Variants in ROCK1 observed in about 807,000 individuals in gnomAD.
ROCK1 encodes Rho associated coiled-coil containing protein kinase 1, also known as rho-associated protein kinase 1.
Under a neutral mutation model 196.8 loss-of-function variants are expected in ROCK1, and 36 were observed. The ratio of observed to expected loss-of-function variants is 0.18; its 90% CI spans 0.14 to 0.24. The LOEUF (loss-of-function observed/expected upper bound fraction) is 0.24, where lower values mean the gene tolerates loss of function less well. Ranked by LOEUF, ROCK1 falls within the 10% of genes least tolerant of loss-of-function variation. ROCK1 has a pLI of 1.00. For missense variants in ROCK1, 920 were observed against 1,562.0 expected (o/e 0.59, Z 6.93); for synonymous variants, 443 against 515.9 (o/e 0.86, Z 1.91).
rs2035772216 is a variant in ROCK1, at chr18:21,006,696, T to C, written c.1638+3A>G. 6 of 1,596,790 alleles carry C rather than the reference T, an allele frequency of 3.8e-6. No individual in the cohort carries two copies. The African/African-American group carries it at 5.4e-5, about 14-fold the overall frequency. Reference sequence around the variant, plus strand: ...AAAAAGGAACCTCATTTGAAACACTTACCTGCTTTTGTAACTGGGACAGCT... The same window carrying C: ...AAAAAGGAACCTCATTTGAAACACTCACCTGCTTTTGTAACTGGGACAGCT... On this transcript the variant is annotated splice_donor_region_variant and intron_variant, in intron 15 of 32. Transcript: ENST00000399799.
At chr18:21,083,595 A>G (rs2036500205) in intron 1 of ROCK1, among the ~76,000 whole-genome samples, 1 of 152,118 alleles carries the variant, frequency 6.6e-6, no homozygotes, top group Admixed American at 6.6e-5. Context: ...TACTCAGCCT[A>G]CTCAATGTGA....
intron 16 of ROCK1, among the ~76,000 whole-genome samples, chr18:21,004,813 T>C (rs1047179424): frequency 6.6e-6 from 1 of 152,262 alleles, no homozygotes; most frequent in Non-Finnish European, 1.5e-5. Flanking sequence ...GTGACTTTCC[T>C]ATTACATATA....
intron 28 of ROCK1, 33 bp from the exon 29 acceptor site, chr18:20,959,961 G>A (rs1367552243): frequency 1.5e-6 from 2 of 1,352,900 alleles, no homozygotes; most frequent in Non-Finnish European, 2.1e-6. Flanking sequence ...AGAGTTACAA[G>A]AGCAACATTA....
At chr18:21,078,804 T>C (rs1454598400) in intron 1 of ROCK1, among the ~76,000 whole-genome samples, 1 of 152,198 alleles carries the variant, frequency 6.6e-6, no homozygotes, top group Non-Finnish European at 1.5e-5. Flanking sequence ...GTTTTTCTCT[T>C]GTACTTCCTC....
At chr18:20,962,405 C>CA (rs1358059580) in intron 27 of ROCK1, among the ~76,000 whole-genome samples, 1 of 152,004 alleles carries the variant, frequency 6.6e-6, no homozygotes, top group Non-Finnish European at 1.5e-5. Flanking sequence ...AATTCCTCAC[C>CA]AAAAACAAAG....
intron 2 of ROCK1, among the ~76,000 whole-genome samples, chr18:21,065,477 T>C (rs940143194): frequency 2.6e-5 from 4 of 152,196 alleles, no homozygotes; most frequent in African/African-American, 9.6e-5. Context: ...TAAGATTTGT[T>C]TGATAAACAT....
chr18:20,973,575 C>A (rs1279968294), intron 22 of ROCK1, among the ~76,000 whole-genome samples: 1 of 152,118 alleles, frequency 6.6e-6, no homozygotes, highest in Non-Finnish European at 1.5e-5. Flanking sequence ...CCACACCCGA[C>A]CAAGTCATAT....
At chr18:21,095,592 A>G (rs2036606569) in intron 1 of ROCK1, among the ~76,000 whole-genome samples, 1 of 152,228 alleles carries the variant, frequency 6.6e-6, no homozygotes, top group South Asian at 2.1e-4. Context: ...AAGTGAAATA[A>G]GCCAGACACA....
intron 9 of ROCK1, among the ~76,000 whole-genome samples, chr18:21,031,133 C>T (rs1280583748): frequency 6.6e-6 from 1 of 151,890 alleles, no homozygotes; most frequent in African/African-American, 2.4e-5. Context: ...CAAGCAACAA[C>T]CGCAAGCCCT....
At chr18:21,093,101 G>A (rs990576294) in intron 1 of ROCK1, among the ~76,000 whole-genome samples, 4 of 152,156 alleles carry the variant, frequency 2.6e-5, no homozygotes, top group African/African-American at 7.2e-5. Flanking sequence ...GACTGAGATT[G>A]ATTCAGATAT....
Position 21,045,456 on chromosome 18 carries a change from T to C in ROCK1, c.426A>G (p.Ala142=). The C allele has an allele frequency of 3.1e-6, 5 of 1,597,092 alleles. No individual in the cohort carries two copies. Among genetic ancestry groups the C allele is most frequent in the Non-Finnish European group, 2.6e-6 (3 of 1,174,250 alleles). The change falls in exon 5 of 33, where the codon GCA becomes GCG. Residue 142 remains alanine (A), a synonymous_variant. Transcript: ENST00000399799. ...NSPWVVQLFY[A]FQDDRYLYMV... is the part of the protein sequence containing the mutation. ...TGTAGAGATAACGATCATCTTGGAA[T>C]GCATAAAAAAGCTATACAAATAGAA...
At chr18:21,006,845 T>A in intron 14 of ROCK1, 55 bp from the exon 15 acceptor site, 1 of 1,211,740 alleles carries the variant, frequency 8.3e-7, no homozygotes, top group Non-Finnish European at 1.2e-6. Context: ...AGGGGAAACA[T>A]ATAAATCCTT....
chr18:21,036,354 A>G (rs2036056905), intron 9 of ROCK1, among the ~76,000 whole-genome samples: 1 of 152,218 alleles, frequency 6.6e-6, no homozygotes, highest in South Asian at 2.1e-4. Flanking sequence ...CCCACAAACT[A>G]TAGGTTGATT....
Position 21,014,065 on chromosome 18 carries a change from CAAAAAAA to C in ROCK1, c.1410+1359_1410+1365del, listed in dbSNP as rs56355855. ...TGGGAAAAAGAGCAAGACTCTGTCT[CAAAAAAA>C]AAAAAAAAAAAAAAGAATGAGGCTA... On this transcript the variant is annotated intron_variant, in intron 13 of 32. Transcript: ENST00000399799. 1.3e-4 allele frequency among the ~76,000 whole-genome samples: 9 copies of C among 69,848 alleles called. No individual in the cohort carries two copies. The South Asian group carries it at 2.7e-3, about 21-fold the overall frequency. 45.8% of individuals were successfully genotyped at this position (69,848 alleles called of 152,430 possible).
chr18:20,989,403 C>A (rs371979867), intron 18 of ROCK1, among the ~76,000 whole-genome samples: 2 of 152,168 alleles, frequency 1.3e-5, no homozygotes, highest in East Asian at 3.8e-4. Flanking sequence ...TATGAGCTTT[C>A]TTTTGAGCAA....
intron 21 of ROCK1, among the ~76,000 whole-genome samples, chr18:20,980,910 CATCTCAAAAAAA>C (rs2035526354): frequency 8.4e-6 from 1 of 118,440 alleles, no homozygotes; most frequent in South Asian, 2.8e-4. Flanking sequence ...AGTGAGATTC[CATCTCAAAAAAA>C]AAAAAAAAAA....
chr18:20,959,141 A>T (rs1466884990), intron 29 of ROCK1, among the ~76,000 whole-genome samples: 1 of 63,412 alleles, frequency 1.6e-5, no homozygotes, highest in Non-Finnish European at 2.6e-5. Context: ...TATATATATT[A>T]TATAAAATAT....
At chr18:21,052,530 A>G (rs895704934) in intron 2 of ROCK1, among the ~76,000 whole-genome samples, 17 of 152,186 alleles carry the variant, frequency 1.1e-4, no homozygotes, top group Admixed American at 3.3e-4. Flanking sequence ...AGGGATTCCC[A>G]ACCCCTGAGC....
rs1373695217 is a variant in ROCK1, at chr18:20,947,417, G to C, written c.*3967C>G. 1 of 152,010 alleles carries C rather than the reference G, an allele frequency of 6.6e-6. No individual in the cohort carries two copies. The highest frequency in any genetic ancestry group is 1.5e-5 in the Non-Finnish European group (1 of 68,026). 9.4% of individuals were successfully genotyped at this position (152,010 alleles called of 1,614,324 possible). ...CTTGTCCAGAAAAAAAACACTAAAA[G>C]CATAAAAGATTTGGCAGTAAATATA... On this transcript the variant is annotated 3_prime_UTR_variant, in exon 33 of 33. Coordinates refer to ENST00000399799, the MANE Select transcript of ROCK1 (RefSeq NM_005406.3).
Sources: gnomAD v4.1 joint callset for allele counts (sites outside exome capture counted in the v4.1 genomes callset) on GRCh38, gnomAD v4.1.1 for gene constraint, MANE v1.5 for transcripts, NCBI Gene and HGNC (gene_info 2026-07-23, HGNC 2026-07-21) for gene names.